MS4A6E: variants seen among roughly 807,000 people sequenced by gnomAD.
MS4A6E encodes the protein membrane-spanning 4-domains subfamily A member 6E.
In MS4A6E, 8 loss-of-function variants were observed where a neutral mutation model predicts 13.2. The ratio of observed to expected loss-of-function variants is 0.60; its 90% CI spans 0.35 to 1.09. The LOEUF (loss-of-function observed/expected upper bound fraction) is 1.09. MS4A6E is among the 50% of genes least tolerant of loss of function. The pLI is 0.02. For synonymous variants in MS4A6E, 72 were observed against 67.6 expected (o/e 1.06, Z -0.32); for missense variants, 177 against 171.1 (o/e 1.03, Z -0.19).
At chr11:60,342,144 A>AGTGTGT (rs757687887), downstream of MS4A6E, among the ~76,000 whole-genome samples, 523 of 125,214 alleles carry the variant, frequency 4.2e-3, 4 homozygotes, top group Middle Eastern at 0.013. Flanking sequence ...AGGATAAACA[A>AGTGTGT]GTGTGTGTGT....
chr11:60,335,096 G>T, intron 2 of MS4A6E, 54 bp downstream of exon 2: 2 of 1,601,042 alleles, frequency 1.2e-6, no homozygotes, highest in Non-Finnish European at 1.7e-6. Flanking sequence ...GGGAAGAGAT[G>T]ATGTATGTTT....
intron 1 of MS4A6E, among the ~76,000 whole-genome samples, chr11:60,329,025 G>C (rs1315320974): frequency 6.6e-6 from 1 of 152,012 alleles, no homozygotes; most frequent in Non-Finnish European, 1.5e-5. Context: ...TTAAGTTCTG[G>C]GATACATGTG....
intron 3 of MS4A6E, among the ~76,000 whole-genome samples, chr11:60,339,428 A>G (rs1203632437): frequency 1.3e-5 from 2 of 152,236 alleles, no homozygotes; most frequent in Admixed American, 1.3e-4. Context: ...GTTAGTATGC[A>G]TGTTTGATAC....
At chr11:60,347,577 C>T (rs569425447) in intron 4 of MS4A6E, among the ~76,000 whole-genome samples, 1 of 137,012 alleles carries the variant, frequency 7.3e-6, no homozygotes, top group East Asian at 2.1e-4. Context: ...AGAAAGAGAA[C>T]TGAGAAAAAA....
Position 60,341,267 on chromosome 11 carries a change from GC to G in MS4A6E, c.*502del, listed in dbSNP as rs2085224211. Among the ~76,000 whole-genome samples the G allele has an allele frequency of 6.6e-6, 1 of 152,158 alleles. No homozygotes were observed. Among genetic ancestry groups the G allele is most frequent in the Non-Finnish European group, 1.5e-5 (1 of 68,020 alleles). ...GTATTTTACTCATTAGTGCATAAAG[GC>G]AAACCCCATAATGAAGTCTCCGAGT... On this transcript the variant is annotated 3_prime_UTR_variant, in exon 5 of 5. Transcript: ENST00000684409.
At chr11:60,337,608 C>T (rs533610941) in intron 2 of MS4A6E, 133 bp from the exon 3 acceptor site, 1 of 1,108,656 alleles carries the variant, frequency 9.0e-7, no homozygotes, top group South Asian at 1.5e-5. Flanking sequence ...GAGAGGCCTA[C>T]AACAAGAAAT....
chr11:60,345,084 G>A (rs147799316), downstream of MS4A6E, among the ~76,000 whole-genome samples: 5,220 of 151,968 alleles, frequency 0.034, 142 homozygotes, highest in South Asian at 0.15. Context: ...ACAGGTGTGC[G>A]CCACCACACC....
chr11:60,341,688 C>A (rs2085226718), downstream of MS4A6E, among the ~76,000 whole-genome samples: 1 of 152,016 alleles, frequency 6.6e-6, no homozygotes, highest in South Asian at 2.1e-4. Flanking sequence ...TTGCTCTGAC[C>A]CTCTGTAGCA....
chr11:60,337,628 G>A (rs1002807451), intron 2 of MS4A6E, 113 bp from the exon 3 acceptor site: 64 of 1,323,686 alleles, frequency 4.8e-5, no homozygotes, highest in Non-Finnish European at 6.4e-5. Flanking sequence ...TGATCCCTCC[G>A]GGACTTCCTG....
intron 1 of MS4A6E, 38 bp from the exon 2 acceptor site, chr11:60,334,844 T>A (rs761845656): frequency 7.1e-5 from 114 of 1,604,654 alleles, no homozygotes; most frequent in Non-Finnish European, 9.6e-5. Flanking sequence ...TTGGGAGCTC[T>A]GTACTTTTAA....
downstream of MS4A6E, among the ~76,000 whole-genome samples, chr11:60,343,483 C>T (rs79387722): frequency 0.031 from 4,758 of 152,212 alleles, 96 homozygotes; most frequent in Non-Finnish European, 0.048. Flanking sequence ...AATAGTAGAG[C>T]GCATGTATCA....
At chr11:60,327,730 A>C (rs1046665255) in intron 1 of MS4A6E, among the ~76,000 whole-genome samples, 1 of 152,120 alleles carries the variant, frequency 6.6e-6, no homozygotes, top group Non-Finnish European at 1.5e-5. Flanking sequence ...ATGAGAAATA[A>C]TTAAAAACTG....
intron 4 of MS4A6E, 132 bp from the exon 5 acceptor site, chr11:60,340,644 T>C (rs2085218139): frequency 6.5e-6 from 1 of 153,212 alleles, no homozygotes; most frequent in Non-Finnish European, 1.5e-5. Flanking sequence ...GCTCTACTTG[T>C]CTTGGATTAG....
chr11:60,349,025 TG>T (rs1222681446), intron 4 of MS4A6E, among the ~76,000 whole-genome samples: 1 of 151,892 alleles, frequency 6.6e-6, no homozygotes, highest in Non-Finnish European at 1.5e-5. Flanking sequence ...GAGAATGGGG[TG>T]GGGGTGGATA....
intron 1 of MS4A6E, among the ~76,000 whole-genome samples, chr11:60,328,458 G>T (rs2085133549): frequency 6.6e-6 from 1 of 151,868 alleles, no homozygotes; most frequent in Non-Finnish European, 1.5e-5. Context: ...GATCTTTGGG[G>T]CTCCCATTCC....
intron 4 of MS4A6E, 91 bp downstream of exon 4, chr11:60,340,055 C>G: frequency 6.4e-7 from 1 of 1,566,706 alleles, no homozygotes; most frequent in East Asian, 2.3e-5. Flanking sequence ...GTAGAAGGAA[C>G]AATCAGTCAG....
At chr11:60,344,597 T>TGCCATCCTGACTGTA (rs980323968), downstream of MS4A6E, among the ~76,000 whole-genome samples, 1 of 152,206 alleles carries the variant, frequency 6.6e-6, no homozygotes, top group African/African-American at 2.4e-5. Context: ...AAGTAGAGTT[T>TGCCATCCTGACTGTA]GCCATCCTGA....
chr11:60,337,713 T>A, intron 2 of MS4A6E, 28 bp from the exon 3 acceptor site: 2 of 1,613,148 alleles, frequency 1.2e-6, no homozygotes, highest in Non-Finnish European at 1.7e-6. Flanking sequence ...CCTTTGGGAA[T>A]GATTCTTACC....
chr11:60,345,713 G>C (rs1295441302), downstream of MS4A6E, among the ~76,000 whole-genome samples: 1 of 152,190 alleles, frequency 6.6e-6, no homozygotes, highest in South Asian at 2.1e-4. Flanking sequence ...TTAGCCAAAG[G>C]CTCCCCCTAG....
Sources: gnomAD v4.1 joint callset for allele counts (sites outside exome capture counted in the v4.1 genomes callset) on GRCh38, gnomAD v4.1.1 for gene constraint, MANE v1.5 for transcripts, NCBI Gene and HGNC (gene_info 2026-07-23, HGNC 2026-07-21) for gene names.